The following RFFL variants were observed in gnomAD, a reference collection of about 807,000 sequenced individuals.
RFFL encodes the protein E3 ubiquitin-protein ligase rififylin.
RFFL carries 16 observed loss-of-function variants against 40.4 expected under a neutral mutation model. The observed-to-expected ratio is 0.40, with a 90% CI of 0.27 to 0.60. RFFL has a LOEUF of 0.60. Among genes scored for constraint, RFFL ranks in the 20% least tolerant of loss-of-function variants. The probability of loss-of-function intolerance (pLI) is 0.47; values close to 1 mark genes in which losing one functional copy is unlikely to be tolerated. For synonymous variants in RFFL, 154 were observed against 167.9 expected, an observed-to-expected ratio of 0.92 and a Z score of 0.64; for missense variants, 367 against 451.7, an observed-to-expected ratio of 0.81 and a Z score of 1.70.
chr17:35,020,386 GT>G (rs1412610297), intron 3 of RFFL, among the ~76,000 whole-genome samples: 1 of 151,182 alleles, frequency 6.6e-6, no homozygotes, highest in East Asian at 1.9e-4. Context: ...CAGATCAGCG[GT>G]GGCATTAGAT....
At chr17:35,065,111 T>C (rs1017514545), upstream of RFFL, among the ~76,000 whole-genome samples, 11 of 152,034 alleles carry the variant, frequency 7.2e-5, no homozygotes, top group African/African-American at 2.4e-4. Flanking sequence ...CATTATCTCT[T>C]CAACCACACT....
In RFFL at chr17:35,039,252, G is replaced by A. The variant is rs565635530; in HGVS notation, c.-8-12691C>T. Among the ~76,000 whole-genome samples the A allele has an allele frequency of 9.8e-4, 148 of 150,730 alleles. No homozygotes were observed. In the South Asian group the frequency reaches 0.011, roughly 12 times the overall value. On this transcript the variant is annotated intron_variant, in intron 1 of 6. Transcript: ENST00000394597. ...TTTCTTTTTTTTGAGACGCAGTCTC[G>A]CTCTGTCGCCAGGCTGGAGTGCAGT...
At chr17:35,083,315 C>A (rs2091411514) in intron 1 of RFFL, among the ~76,000 whole-genome samples, 1 of 152,154 alleles carries the variant, frequency 6.6e-6, no homozygotes, top group African/African-American at 2.4e-5. Context: ...CAGAGGAGGC[C>A]TCACTGTAAA....
chr17:35,037,388 A>C (rs2091130683), intron 1 of RFFL, among the ~76,000 whole-genome samples: 1 of 152,276 alleles, frequency 6.6e-6, no homozygotes, highest in South Asian at 2.1e-4. Flanking sequence ...TTATCATTAA[A>C]AAGCAATTAA....
At chr17:35,012,903 T>C (rs2090949937) in intron 6 of RFFL, among the ~76,000 whole-genome samples, 1 of 152,284 alleles carries the variant, frequency 6.6e-6, no homozygotes, top group African/African-American at 2.4e-5. Flanking sequence ...TTAGCATTTA[T>C]TCCATGCTCC....
At chr17:35,013,291 G>A (rs756330430) in intron 6 of RFFL, among the ~76,000 whole-genome samples, 13 of 152,214 alleles carry the variant, frequency 8.5e-5, no homozygotes, top group African/African-American at 1.2e-4. Context: ...TATCCAGACA[G>A]TATCAACTGC....
At chr17:35,069,134 T>G (rs2091334431) in intron 1 of RFFL, among the ~76,000 whole-genome samples, 1 of 152,196 alleles carries the variant, frequency 6.6e-6, no homozygotes, top group African/African-American at 2.4e-5. Context: ...TTGCCTGAAT[T>G]CATCATTCTT....
intron 1 of RFFL, among the ~76,000 whole-genome samples, chr17:35,028,427 A>G (rs1242850153): frequency 6.6e-6 from 1 of 152,054 alleles, no homozygotes; most frequent in Non-Finnish European, 1.5e-5. Flanking sequence ...GATTTTTACG[A>G]TCACAAAACA....
chr17:35,070,895 T>C (rs1000925499), intron 1 of RFFL, among the ~76,000 whole-genome samples: 3 of 152,170 alleles, frequency 2.0e-5, no homozygotes, highest in South Asian at 2.1e-4. Flanking sequence ...CCTATTAGAA[T>C]AGCTAAAATT....
chr17:35,020,003 CAT>C (rs1567701251), intron 3 of RFFL, among the ~76,000 whole-genome samples: 1 of 152,370 alleles, frequency 6.6e-6, no homozygotes, highest in East Asian at 1.9e-4. Context: ...CCATCCACAT[CAT>C]GTGTGGGAAC....
chr17:35,026,584 A>T (rs1216798256), intron 1 of RFFL, 23 bp from the exon 2 acceptor site: 1 of 1,598,462 alleles, frequency 6.3e-7, no homozygotes, highest in African/African-American at 1.3e-5. Context: ...AGGAAAGGGG[A>T]AAAGGTCAGA....
At chr17:35,020,285 G>T (rs1192105023) in intron 3 of RFFL, among the ~76,000 whole-genome samples, 1 of 151,918 alleles carries the variant, frequency 6.6e-6, no homozygotes, top group African/African-American at 2.4e-5. Context: ...CCACAGACTG[G>T]TACTGGTCCA....
chr17:35,033,786 C>T lies in RFFL; in HGVS notation c.-8-7225G>A, dbSNP rs75434909. Among the ~76,000 whole-genome samples, 91 of 151,880 alleles carry T rather than the reference C, an allele frequency of 6.0e-4. 1 individual carries two copies. The East Asian group carries it at 0.01, about 17-fold the overall frequency. On this transcript the variant is annotated intron_variant, in intron 1 of 6. Coordinates refer to ENST00000394597, the MANE Select transcript of RFFL (RefSeq NM_001017368.2). ...TGTTGGGAGGCCAAGGCAGGAGAAT[C>T]GCTTGAGGCCAGGAATTCATGATCA...
chr17:35,032,911 T>C (rs1450185785), intron 1 of RFFL, among the ~76,000 whole-genome samples: 1 of 152,108 alleles, frequency 6.6e-6, no homozygotes, highest in Non-Finnish European at 1.5e-5. Flanking sequence ...GAATGCAAAA[T>C]GCCCAATGGA....
intron 3 of RFFL, 146 bp from the exon 4 acceptor site, chr17:35,017,752 C>A: frequency 1.6e-6 from 1 of 620,618 alleles, no homozygotes; most frequent in South Asian, 1.8e-5. Flanking sequence ...TTACAAAAGC[C>A]TGCTCTCTCA....
rs567644570 is a variant in RFFL at position 35,024,859 on chromosome 17, T to C, written c.180+1515A>G. Among the ~76,000 whole-genome samples the C allele has an allele frequency of 1.7e-3, 260 of 152,306 alleles. 1 individual carries two copies. The highest frequency in any genetic ancestry group is 2.8e-3 in the Non-Finnish European group (190 of 68,030). ...AAATTCTCATAGATGAAAACACCCT[T>C]AATATTCACAAAATTCACTGTAAAT... On this transcript the variant is annotated intron_variant, in intron 2 of 6. Transcript: ENST00000394597.
chr17:35,026,510 G>A lies in RFFL; in HGVS notation c.44C>T (p.Pro15Leu), dbSNP rs1476879874. 6.2e-7 allele frequency: 1 copy of A among 1,612,122 alleles called. No homozygotes were observed. Among genetic ancestry groups the A allele is most frequent in the Admixed American group, 1.7e-5 (1 of 59,262 alleles). The change falls in exon 2 of 7, where the codon CCT (proline) becomes CTT (leucine). Residue 15 changes from proline (P) to leucine (L), a missense_variant. Transcript: ENST00000394597. ...TCCCTGGGGTGGTGGGACCTCCTCA[G>A]GCTGTCCATCCAGGCAGAACCAGTT... ...CCNWFCLDGQ[P>L]EEVPPPQGAR...
rs756362235 is a variant in RFFL at position 35,012,138 on chromosome 17, G to A, written c.922C>T (p.Pro308Ser). 25 of 1,613,984 alleles carry A rather than the reference G, an allele frequency of 1.5e-5. 1 individual carries two copies. The South Asian group carries it at 2.6e-4, about 17-fold the overall frequency. The change falls in exon 7 of 7, where the codon CCA becomes TCA. Residue 308 changes from proline to serine, a missense_variant. Physicochemically the swap from Pro to Ser is moderately conservative, Grantham distance 74. Transcript: ENST00000394597. ...CACAGGTTCTCCTCCAAGCCTGATGGTACTGCTCCCCCTGTACAAACACAC... is the reference window on the plus strand; with the variant it reads ...CACAGGTTCTCCTCCAAGCCTGATGATACTGCTCCCCCTGTACAAACACAC... ...GAEDQNGGAV[P>S]SGLEENLCKI...
rs1035926639 is a variant in RFFL, at chr17:35,007,434, G to A, written c.*4534C>T. Reference sequence around the variant, plus strand: ...TCATAAATCTCTCCAGCAGAATGCTGGAGGCCTCCCTCTTCTGAACCTCTA... The same window carrying A: ...TCATAAATCTCTCCAGCAGAATGCTAGAGGCCTCCCTCTTCTGAACCTCTA... On this transcript the variant is annotated 3_prime_UTR_variant, in exon 7 of 7. Coordinates refer to ENST00000394597, the MANE Select transcript of RFFL (RefSeq NM_001017368.2). 3 of 152,174 alleles carry A rather than the reference G, an allele frequency of 2.0e-5. No homozygotes were observed. Among genetic ancestry groups the A allele is most frequent in the Admixed American group, 2.0e-4 (3 of 15,278 alleles). The allele number at this position is 152,174 out of a possible 1,614,324, so 9.4% of individuals were successfully genotyped here. A position where few individuals can be genotyped will look rare whatever the true frequency, so the allele number is the denominator to read the frequency against.
Sources: allele counts gnomAD v4.1 joint callset (sites outside exome capture counted in the v4.1 genomes callset), GRCh38; gene constraint gnomAD v4.1.1; transcripts MANE v1.5; gene names NCBI Gene and HGNC (gene_info 2026-07-23, HGNC 2026-07-21).